The following NUP188 variants were observed in gnomAD, a reference collection of about 807,000 sequenced individuals.
The protein encoded by NUP188 is nucleoporin 188, also known as nucleoporin NUP188.
In NUP188, 97 loss-of-function variants were observed where a neutral mutation model predicts 223.0. The observed-to-expected ratio is 0.43, with a 90% CI of 0.37 to 0.51. The LOEUF (loss-of-function observed/expected upper bound fraction) is 0.51. Ranked by LOEUF, NUP188 falls within the 20% of genes least tolerant of loss-of-function variation. The pLI is 0.00. For missense variants in NUP188, 1,947 were observed against 2,175.6 expected, an observed-to-expected ratio of 0.89 and a Z score of 2.09; for synonymous variants, 869 against 828.0, an observed-to-expected ratio of 1.05 and a Z score of -0.85.
At chr9:128,977,349 G>A (rs1842190389) in intron 12 of NUP188, among the ~76,000 whole-genome samples, 1 of 151,858 alleles carries the variant, frequency 6.6e-6, no homozygotes, top group South Asian at 2.1e-4. Context: ...TCGATCTCCT[G>A]ACCTTGTGAT....
In NUP188 at chr9:128,990,207, T is replaced by G; in HGVS notation, c.2621T>G (p.Leu874Arg). Residue 874 changes from leucine (L) to arginine (R), a missense_variant, in exon 25 of 44, where the codon CTG becomes CGG. Around this residue, in one of 3 missense-constraint regions of NUP188, gnomAD observed 225 missense variants for 319.1 expected, o/e 0.71. Transcript: ENST00000372577. Reference sequence around the variant, plus strand: ...GCTTTGCCACGTCTTGCCATTCAGCTGCTGAAACGTCTGGCCACGGTAGGA... The same window carrying G: ...GCTTTGCCACGTCTTGCCATTCAGCGGCTGAAACGTCTGGCCACGGTAGGA... ...DPALPRLAIQLLKRLATVAPM... is the reference protein window; with the variant it reads ...DPALPRLAIQRLKRLATVAPM... 1 of 1,613,992 alleles carries G rather than the reference T, an allele frequency of 6.2e-7. No homozygotes were observed.
At chr9:128,973,684 T>C (rs1390177483) in intron 12 of NUP188, among the ~76,000 whole-genome samples, 1 of 152,094 alleles carries the variant, frequency 6.6e-6, no homozygotes, top group Non-Finnish European at 1.5e-5. Flanking sequence ...CACCCGGCCT[T>C]GTCTTCATTT....
rs1288005879 is a variant in NUP188, at chr9:129,006,067, G to GC, written c.4891dup (p.Leu1631ProfsTer41). ...CTCTTCAGCTGGACAAGAAAAAGGA[G>GC]CCCCTCACCCAGGCAGTGGGGCTCA... On this transcript the variant is annotated frameshift_variant, in exon 42 of 44. Transcript: ENST00000372577. LOFTEE classifies it high-confidence loss of function. The GC allele has an allele frequency of 1.2e-5, 19 of 1,614,056 alleles. No individual in the cohort carries two copies. Among genetic ancestry groups the GC allele is most frequent in the Non-Finnish European group, 1.6e-5 (19 of 1,180,022 alleles).
At chr9:128,987,509 C>T in intron 22 of NUP188, 80 bp from the exon 23 acceptor site, 4 of 1,474,934 alleles carry the variant, frequency 2.7e-6, no homozygotes, top group South Asian at 2.7e-5. Context: ...GTTAGCCACC[C>T]TAGCCTAATT....
intron 25 of NUP188, among the ~76,000 whole-genome samples, chr9:128,992,384 G>A (rs185009694): frequency 5.3e-5 from 8 of 152,134 alleles, no homozygotes; most frequent in East Asian, 1.9e-4. Flanking sequence ...TAGTAGGGAC[G>A]AAGTTTTGCC....
At chr9:128,977,249 A>G (rs1842188851) in intron 12 of NUP188, among the ~76,000 whole-genome samples, 1 of 151,240 alleles carries the variant, frequency 6.6e-6, no homozygotes, top group Non-Finnish European at 1.5e-5. Flanking sequence ...CCTCCCCAGC[A>G]GCAGGGACTA....
intron 5 of NUP188, among the ~76,000 whole-genome samples, chr9:128,957,507 C>G (rs1290168247): frequency 6.6e-6 from 1 of 151,938 alleles, no homozygotes; most frequent in Non-Finnish European, 1.5e-5. Context: ...CTCTGTCTCC[C>G]AGGCTGGAGT....
rs188460730 is a variant in NUP188 at position 128,956,193 on chromosome 9, G to T, written c.162-157G>T. Among the ~76,000 whole-genome samples the T allele has an allele frequency of 3.0e-4, 41 of 138,394 alleles. No individual in the cohort carries two copies. In the East Asian group the frequency reaches 7.4e-3, roughly 25 times the overall value. The allele number at this position is 138,394 out of a possible 152,430, so 90.8% of individuals were successfully genotyped here. A position where few individuals can be genotyped will look rare whatever the true frequency, so the allele number is the denominator to read the frequency against. ...TGTAGAGGTGAATGGGTGTGTGTGT[G>T]TGTGTGTGTGTGTGTGTGCGTGTGT... On this transcript the variant is annotated intron_variant, in intron 3 of 43. Transcript: ENST00000372577.
At chr9:128,984,068 C>T (rs994702152) in intron 19 of NUP188, among the ~76,000 whole-genome samples, 17 of 151,268 alleles carry the variant, frequency 1.1e-4, no homozygotes, top group African/African-American at 2.4e-4. Context: ...GTGATCTGCC[C>T]GCCTTAGCCT....
intron 14 of NUP188, among the ~76,000 whole-genome samples, chr9:128,981,002 C>G (rs867334504): frequency 6.6e-6 from 1 of 151,976 alleles, no homozygotes; most frequent in Admixed American, 6.6e-5. Context: ...AGCTAAGAGC[C>G]AGGTGGTACA....
Position 128,993,318 on chromosome 9 carries a change from T to G in NUP188, c.2762T>G (p.Phe921Cys). 6.2e-7 allele frequency: 1 copy of G among 1,614,176 alleles called. No individual in the cohort carries two copies. Among genetic ancestry groups the G allele is most frequent in the Non-Finnish European group, 8.5e-7 (1 of 1,180,018 alleles). Residue 921 changes from phenylalanine (F) to cysteine (C), a missense_variant, in exon 26 of 44, where the codon TTC becomes TGC. Physicochemically the swap from Phe to Cys is radical, Grantham distance 205. Coordinates refer to ENST00000372577, the MANE Select transcript of NUP188 (RefSeq NM_015354.3). ...CGCATCAAAGTCATGATTCTAGAGT[T>G]CCTCACTGTTGCAGTAGAGACCCAG... ...DMRIKVMILE[F>C]LTVAVETQPG...
At chr9:128,955,545 A>G (rs1447030234) in intron 3 of NUP188, among the ~76,000 whole-genome samples, 2 of 152,080 alleles carry the variant, frequency 1.3e-5, no homozygotes, top group Middle Eastern at 3.4e-3. Context: ...TTTATCTTAT[A>G]CTTTGTTTAT....
intron 1 of NUP188, chr9:128,948,711 C>CTTTTTTTTTTTTTT (rs56052652): frequency 4.9e-5 from 3 of 61,130 alleles, no homozygotes; most frequent in Non-Finnish European, 6.4e-5. Context: ...GTTTTCCCCA[C>CTTTTTTTTTTTTTT]TTTTTTTTTT....
chr9:128,983,607 C>G (rs1028924370), intron 19 of NUP188, 57 bp downstream of exon 19: 1 of 1,121,740 alleles, frequency 8.9e-7, no homozygotes, highest in Non-Finnish European at 1.3e-6. Context: ...ACATATGTCT[C>G]AGATCTAGCC....
At chr9:128,981,475 A>G (rs1842253686) in intron 15 of NUP188, 85 bp downstream of exon 15, 2 of 1,343,584 alleles carry the variant, frequency 1.5e-6, no homozygotes, top group East Asian at 2.3e-5. Context: ...TGCAGTGGCA[A>G]GATCATAGCT....
At chr9:129,003,068 C>A in intron 37 of NUP188, 93 bp downstream of exon 37, 1 of 1,418,538 alleles carries the variant, frequency 7.0e-7, no homozygotes, top group Non-Finnish European at 9.6e-7. Flanking sequence ...GCCTGGGCCT[C>A]AGTAGCGGAG....
chr9:129,005,797 A>G, intron 41 of NUP188, 21 bp downstream of exon 41: 2 of 1,582,732 alleles, frequency 1.3e-6, no homozygotes, highest in East Asian at 4.5e-5. Flanking sequence ...TCTGTCAGAC[A>G]CTGTCCTCTC....
chr9:128,947,730 C>A lies in NUP188; in HGVS notation c.11C>A (p.Ala4Asp). 6.8e-7 allele frequency: 1 copy of A among 1,472,706 alleles called. No homozygotes were observed. Among genetic ancestry groups the A allele is most frequent in the Non-Finnish European group, 9.0e-7 (1 of 1,114,542 alleles). 91.2% of individuals were successfully genotyped at this position (1,472,706 alleles called of 1,614,324 possible). A position where few individuals can be genotyped will look rare whatever the true frequency, so the allele number is the denominator to read the frequency against. ...AGCGGGCGCGCGAAGATGGCGGCGG[C>A]CGCCGGCGGGCCGTGTGTGAGGTGC... MAA[A>D]AGGPCVRSSR... Residue 4 changes from alanine to aspartate, a missense_variant, in exon 1 of 44, where the codon GCC becomes GAC. By Grantham distance (126) the Ala-to-Asp change is moderately radical (BLOSUM62 -2). Coordinates refer to ENST00000372577, the MANE Select transcript of NUP188 (RefSeq NM_015354.3).
At chr9:128,949,164 T>G (rs749273416) in intron 1 of NUP188, 25 bp from the exon 2 acceptor site, 13 of 1,598,652 alleles carry the variant, frequency 8.1e-6, no homozygotes, top group African/African-American at 1.3e-5. Flanking sequence ...AAGAGCAAAA[T>G]TACCTCTGTT....
Sources: allele counts gnomAD v4.1 joint callset (sites outside exome capture counted in the v4.1 genomes callset), GRCh38; gene constraint gnomAD v4.1.1; regional missense constraint gnomAD v4.1.1; transcripts MANE v1.5; gene names NCBI Gene and HGNC (gene_info 2026-07-23, HGNC 2026-07-21).